Variants in CBLB observed in about 807,000 individuals in gnomAD.
The protein encoded by CBLB is Cbl proto-oncogene B, also known as E3 ubiquitin-protein ligase CBL-B.
CBLB carries 31 observed loss-of-function variants against 104.9 expected under a neutral mutation model. That is an observed-to-expected ratio of 0.30 (90% confidence interval 0.22 to 0.40). The LOEUF (loss-of-function observed/expected upper bound fraction) is 0.40. Ranked by LOEUF, CBLB falls within the 10% of genes least tolerant of loss-of-function variation. CBLB has a pLI of 1.00. For missense variants in CBLB, 1,062 were observed against 1,214.6 expected (o/e 0.87, Z 1.87); for synonymous variants, 440 against 422.6 (o/e 1.04, Z -0.51).
chr3:105,759,599 G>A (rs1290659861), intron 4 of CBLB, among the ~76,000 whole-genome samples: 1 of 152,194 alleles, frequency 6.6e-6, no homozygotes, highest in East Asian at 1.9e-4. Flanking sequence ...GCAGGGGGCT[G>A]GCATGTCAGC....
intron 4 of CBLB, among the ~76,000 whole-genome samples, chr3:105,758,462 CT>C (rs1279583884): frequency 6.6e-6 from 1 of 152,184 alleles, no homozygotes; most frequent in East Asian, 1.9e-4. Context: ...TTGTGTGTCA[CT>C]TTTCCAGCCA....
At chr3:105,778,292 G>A (rs976052924) in intron 3 of CBLB, among the ~76,000 whole-genome samples, 15 of 152,058 alleles carry the variant, frequency 9.9e-5, no homozygotes, top group African/African-American at 3.4e-4. Flanking sequence ...GTGTTTCTTT[G>A]CTCCATATTT....
intron 4 of CBLB, among the ~76,000 whole-genome samples, chr3:105,763,422 T>C (rs1414836581): frequency 4.6e-5 from 7 of 152,158 alleles, no homozygotes; most frequent in Non-Finnish European, 1.0e-4. Context: ...AATTCCCACA[T>C]GTTGTAGAAA....
At position 105,751,591 on chromosome 3, in the gene CBLB, T is replaced by C. The variant is rs138009374; in HGVS notation, c.594A>G (p.Arg198=). ...TCTGGTGGACCTCATGAAGGCACTG[T>C]CTGAATACTTTCCATGGTACGATAG... is the stretch of plus-strand genomic sequence containing the variant. ...DKTIVPWKVF[R]QCLHEVHQIS... The change falls in exon 5 of 19, where the codon AGA becomes AGG. Residue 198 remains arginine (R), a synonymous_variant. Transcript: ENST00000394030. 763 of 1,613,530 alleles carry C rather than the reference T, an allele frequency of 4.7e-4. 3 individuals carry two copies. Among genetic ancestry groups the C allele is most frequent in the Middle Eastern group, 2.8e-3 (17 of 6,062 alleles).
At chr3:105,703,100 A>AT (rs2069495255) in intron 11 of CBLB, among the ~76,000 whole-genome samples, 1 of 151,902 alleles carries the variant, frequency 6.6e-6, no homozygotes, top group African/African-American at 2.4e-5. Context: ...ATAGAAATAT[A>AT]AAGGTATAGA....
intron 3 of CBLB, among the ~76,000 whole-genome samples, chr3:105,834,232 C>A (rs188803235): frequency 6.6e-6 from 1 of 151,762 alleles, no homozygotes; most frequent in Admixed American, 6.6e-5. Flanking sequence ...ATGTTCTCAC[C>A]AGTTAAAAAA....
In CBLB at chr3:105,721,359, ACT is replaced by A. The variant is rs557094984; in HGVS notation, c.1204-1111_1204-1110del. Among the ~76,000 whole-genome samples, 562 of 152,118 alleles carry A rather than the reference ACT, an allele frequency of 3.7e-3. 5 individuals are homozygous for A. Among genetic ancestry groups the A allele is most frequent in the African/African-American group, 0.013 (521 of 41,486 alleles). On this transcript the variant is annotated intron_variant, in intron 9 of 18. Coordinates refer to ENST00000394030, the MANE Select transcript of CBLB (RefSeq NM_170662.5). ...TGATGTTTGGATCAAGGATGGAATA[ACT>A]CTCTCACTCTCTTCTCACTGAACAA... is the stretch of plus-strand genomic sequence containing the variant.
chr3:105,797,642 T>C (rs928973842), intron 3 of CBLB, among the ~76,000 whole-genome samples: 2 of 152,170 alleles, frequency 1.3e-5, no homozygotes, highest in Admixed American at 1.3e-4. Flanking sequence ...AACCACCAAG[T>C]TTACATAATA....
chr3:105,667,395 T>C (rs1028877540), intron 18 of CBLB, among the ~76,000 whole-genome samples: 5 of 152,104 alleles, frequency 3.3e-5, no homozygotes, highest in African/African-American at 4.8e-5. Context: ...ACCTCACACA[T>C]AGATAGAAGA....
intron 18 of CBLB, among the ~76,000 whole-genome samples, chr3:105,669,170 T>A (rs956920090): frequency 2.0e-5 from 3 of 152,112 alleles, no homozygotes; most frequent in African/African-American, 7.2e-5. Flanking sequence ...AAAGCAATGC[T>A]ATGGACTGAA....
rs115889109 is a variant in CBLB at position 105,836,583 on chromosome 3, G to A, written c.419+16831C>T. Among the ~76,000 whole-genome samples the A allele has an allele frequency of 9.5e-4, 144 of 152,124 alleles. 1 individual carries two copies. Among genetic ancestry groups the A allele is most frequent in the African/African-American group, 3.0e-3 (126 of 41,498 alleles). On this transcript the variant is annotated intron_variant, in intron 3 of 18. Transcript: ENST00000394030. Reference sequence around the variant, plus strand: ...GAAAAACTATTTCACAAATATTTACGGGCAAGTTTCGGAACCACAGTATGG... The same window carrying A: ...GAAAAACTATTTCACAAATATTTACAGGCAAGTTTCGGAACCACAGTATGG...
chr3:105,799,145 G>A (rs1324195166), intron 3 of CBLB, among the ~76,000 whole-genome samples: 3 of 54,676 alleles, frequency 5.5e-5, no homozygotes, highest in African/African-American at 7.7e-5. Context: ...AGCAGTGAGA[G>A]AAAGAAACAC....
chr3:105,824,310 C>T (rs988794785), intron 3 of CBLB: 13 of 152,158 alleles, frequency 8.5e-5, no homozygotes, highest in African/African-American at 2.9e-4. Context: ...GGCTCTGTAA[C>T]ATGTACTATT....
At chr3:105,778,511 C>T (rs1044686096) in intron 3 of CBLB, among the ~76,000 whole-genome samples, 2 of 151,556 alleles carry the variant, frequency 1.3e-5, no homozygotes, top group African/African-American at 4.9e-5. Context: ...AAGAAGAATG[C>T]AATAAGATAT....
intron 6 of CBLB, among the ~76,000 whole-genome samples, chr3:105,743,026 T>C (rs1202467035): frequency 6.6e-6 from 1 of 152,182 alleles, no homozygotes; most frequent in Non-Finnish European, 1.5e-5. Context: ...TTTAGAACAA[T>C]TTCTTCCTCT....
intron 17 of CBLB, chr3:105,671,664 CTA>C (rs920306559): frequency 4.4e-5 from 9 of 204,684 alleles, no homozygotes; most frequent in East Asian, 3.8e-4. Flanking sequence ...TAAATATTGA[CTA>C]TTTTTATATT....
chr3:105,754,529 G>GAGAGAGAC (rs57053349), intron 4 of CBLB, among the ~76,000 whole-genome samples: 4,079 of 83,408 alleles, frequency 0.049, 65 homozygotes, highest in Non-Finnish European at 0.057. Flanking sequence ...GAGACAGAGA[G>GAGAGAGAC]AGAGAGAGAG....
At chr3:105,763,360 A>G (rs1252421762) in intron 4 of CBLB, among the ~76,000 whole-genome samples, 1 of 152,196 alleles carries the variant, frequency 6.6e-6, no homozygotes, top group East Asian at 1.9e-4. Context: ...GCAGAATGAC[A>G]TCGTTTGGCT....
At chr3:105,760,442 T>C (rs952084806) in intron 4 of CBLB, among the ~76,000 whole-genome samples, 3 of 152,112 alleles carry the variant, frequency 2.0e-5, no homozygotes, top group African/African-American at 7.2e-5. Context: ...AGTTCACCAA[T>C]ACAGGATAAA....
Sources: allele counts gnomAD v4.1 joint callset (sites outside exome capture counted in the v4.1 genomes callset), GRCh38; gene constraint gnomAD v4.1.1; transcripts MANE v1.5; gene names NCBI Gene and HGNC (gene_info 2026-07-23, HGNC 2026-07-21).